Variants in TOM1 observed in about 807,000 individuals in gnomAD.
The protein encoded by TOM1 is target of myb1 membrane trafficking protein, also known as target of Myb protein 1.
In TOM1, 38 loss-of-function variants were observed where a neutral mutation model predicts 61.3. The observed-to-expected ratio is 0.62, with a 90% CI of 0.48 to 0.81. The LOEUF (loss-of-function observed/expected upper bound fraction) is 0.81, where lower values mean the gene tolerates loss of function less well. TOM1 is among the 40% of genes least tolerant of loss of function. The pLI is 0.00. For missense variants in TOM1, 591 were observed against 659.6 expected, an observed-to-expected ratio of 0.90 and a Z score of 1.14; for synonymous variants, 270 against 268.8, an observed-to-expected ratio of 1.00 and a Z score of -0.04.
intron 1 of TOM1, among the ~76,000 whole-genome samples, chr22:35,307,458 G>A (rs561432278): frequency 3.3e-5 from 5 of 152,308 alleles, no homozygotes; most frequent in Non-Finnish European, 5.9e-5. Flanking sequence ...TCACTGGGAC[G>A]TAAGCAGCCT....
At chr22:35,326,325 G>A (rs1412565549) in intron 6 of TOM1, among the ~76,000 whole-genome samples, 1 of 152,198 alleles carries the variant, frequency 6.6e-6, no homozygotes, top group African/African-American at 2.4e-5. Context: ...CATTCCCAGT[G>A]TGCATGAGGG....
intron 2 of TOM1, 139 bp downstream of exon 2, chr22:35,318,100 C>A (rs551850939): frequency 2.7e-6 from 2 of 740,208 alleles, no homozygotes; most frequent in South Asian, 3.1e-5. Context: ...CGCTTGGCTG[C>A]AGAGGCCATC....
chr22:35,323,890 G>T lies in TOM1; in HGVS notation c.624G>T (p.Thr208=), dbSNP rs759894563. The T allele has an allele frequency of 1.9e-6, 3 of 1,590,594 alleles. No homozygotes were observed. In the South Asian group the frequency reaches 3.4e-5, roughly 18 times the overall value. ...LPAPPILSGD[T]PIAPTPEQIG... is the part of the protein sequence containing the mutation. Reference sequence around the variant, plus strand: ...CCCCGCCCATACTCTCCGGTGACACGCCCATAGCACCAACCCCGGAACAGG... The same window carrying T: ...CCCCGCCCATACTCTCCGGTGACACTCCCATAGCACCAACCCCGGAACAGG... Residue 208 remains threonine (T), a synonymous_variant, in exon 6 of 15, where the codon ACG becomes ACT. Transcript: ENST00000449058. This position sits in a 1 kb window ranked among gnomAD's most constrained non-coding sequence, Gnocchi z 4.2.
In TOM1 at chr22:35,300,084, G is replaced by C. The variant is rs138728; in HGVS notation, c.52+104G>C. 0.62 allele frequency: 820,617 copies of C among 1,334,146 alleles called. 259,974 individuals are homozygous for C. Among genetic ancestry groups the C allele is most frequent in the Non-Finnish European group, 0.65 (630,104 of 966,382 alleles). 82.6% of individuals were successfully genotyped at this position (1,334,146 alleles called of 1,614,324 possible). A position where few individuals can be genotyped will look rare whatever the true frequency, so the allele number is the denominator to read the frequency against. ...CTAGTCACGGAGGCAGGGAGGGCAA[G>C]GAGGCTGGCGTGTAGCTCTCCGACC... On this transcript the variant is annotated intron_variant, in intron 1 of 14. Coordinates refer to ENST00000449058, the MANE Select transcript of TOM1 (RefSeq NM_005488.3).
chr22:35,312,548 A>G (rs1926925613), intron 1 of TOM1, among the ~76,000 whole-genome samples: 1 of 152,248 alleles, frequency 6.6e-6, no homozygotes, highest in African/African-American at 2.4e-5. Flanking sequence ...TCTGCTGTGC[A>G]TCTCACAAAC....
intron 11 of TOM1, among the ~76,000 whole-genome samples, chr22:35,336,257 G>A (rs568585911): frequency 6.6e-5 from 10 of 152,058 alleles, no homozygotes; most frequent in Non-Finnish European, 1.3e-4. Flanking sequence ...CATCCATTTC[G>A]TCTTCCCTTT....
chr22:35,338,873 A>AG, intron 12 of TOM1, 85 bp downstream of exon 12: 8 of 1,296,438 alleles, frequency 6.2e-6, no homozygotes, highest in Non-Finnish European at 8.3e-6. Flanking sequence ...GTTGTGGGCC[A>AG]AGCACTGGCC....
chr22:35,336,634 G>A (rs1929365528), intron 11 of TOM1: 1 of 152,310 alleles, frequency 6.6e-6, no homozygotes. Context: ...CTTCGTCAGT[G>A]CTGCTGTACA....
rs1292422916 is a variant in TOM1 at position 35,322,896 on chromosome 22, T to C, written c.217-132T>C. ...TGTCCCAGTCCTCCACATTCAAGGG[T>C]CTCACTCCAGGAAGTCCCATCTCCT... On this transcript the variant is annotated intron_variant, in intron 3 of 14. Transcript: ENST00000449058. The C allele has an allele frequency of 7.4e-5, 79 of 1,062,610 alleles. No individual in the cohort carries two copies. The Admixed American group carries it at 2.1e-3, about 29-fold the overall frequency. 65.8% of individuals were successfully genotyped at this position (1,062,610 alleles called of 1,614,324 possible). A position where few individuals can be genotyped will look rare whatever the true frequency, so the allele number is the denominator to read the frequency against.
Position 35,347,351 on chromosome 22 carries a change from C to A in TOM1, c.*142C>A. 1.1e-6 allele frequency: 1 copy of A among 878,192 alleles called. No individual in the cohort carries two copies. The highest frequency in any genetic ancestry group is 1.7e-6 in the Non-Finnish European group (1 of 599,900). 54.4% of individuals were successfully genotyped at this position (878,192 alleles called of 1,614,324 possible). The stretch of plus-strand genomic sequence containing the variant: ...TCCTCCTCTTTGAAGACGGAGCTGC[C>A]CCAGCTGTGGCTGGGGGTGTGGAGG... On this transcript the variant is annotated 3_prime_UTR_variant, in exon 15 of 15. Coordinates refer to ENST00000449058, the MANE Select transcript of TOM1 (RefSeq NM_005488.3).
At position 35,334,409 on chromosome 22, in the gene TOM1, C is replaced by T. The variant is rs745475934; in HGVS notation, c.1109C>T (p.Ala370Val). ...GRLEDEFDMF[A>V]LTRGSSLADQ... ...CTGGAAGATGAGTTTGACATGTTTG[C>T]GCTGACACGGGGCAGCTCACTGGCT... is the stretch of plus-strand genomic sequence containing the variant. Residue 370 changes from alanine to valine, a missense_variant, in exon 11 of 15, where the codon GCG (alanine) becomes GTG (valine). By Grantham distance (64) the Ala-to-Val change is moderately conservative. Transcript: ENST00000449058. 30 of 1,614,074 alleles carry T rather than the reference C, an allele frequency of 1.9e-5. No homozygotes were observed. The highest frequency in any genetic ancestry group is 9.9e-5 in the South Asian group (9 of 91,080).
chr22:35,323,652 G>C lies in TOM1; in HGVS notation c.501+22G>C. 7 of 1,614,066 alleles carry C rather than the reference G, an allele frequency of 4.3e-6. No homozygotes were observed. The highest frequency in any genetic ancestry group is 5.1e-6 in the Non-Finnish European group (6 of 1,179,952). On this transcript the variant is annotated intron_variant, in intron 5 of 14. Coordinates refer to ENST00000449058, the MANE Select transcript of TOM1 (RefSeq NM_005488.3). The surrounding 1 kb of genome is among the most constrained non-coding windows in gnomAD (Gnocchi z 4.2). ...GAGGGTGAGAGAACTGCCGTACCGG[G>C]AACCAAGGGAAGGGAGGCAGGACTC...
At chr22:35,312,045 G>A (rs1926874164) in intron 1 of TOM1, among the ~76,000 whole-genome samples, 1 of 152,212 alleles carries the variant, frequency 6.6e-6, no homozygotes, top group Admixed American at 6.5e-5. Flanking sequence ...ACAAGGTCAG[G>A]AGTTCAAGAC....
At position 35,323,309 on chromosome 22, in the gene TOM1, G is replaced by C; in HGVS notation, c.366+132G>C. 1 of 1,431,022 alleles carries C rather than the reference G, an allele frequency of 7.0e-7. No individual in the cohort carries two copies. Among genetic ancestry groups the C allele is most frequent in the African/African-American group, 1.4e-5 (1 of 69,868 alleles). 88.6% of individuals were successfully genotyped at this position (1,431,022 alleles called of 1,614,324 possible). A position where few individuals can be genotyped will look rare whatever the true frequency, so the allele number is the denominator to read the frequency against. Reference sequence around the variant, plus strand: ...TCATTTCGGGGCGTCTCGGTTGTCGGCTGGTGGGATGTTCTGTGGGGAGGG... The same window carrying C: ...TCATTTCGGGGCGTCTCGGTTGTCGCCTGGTGGGATGTTCTGTGGGGAGGG... On this transcript the variant is annotated intron_variant, in intron 4 of 14. Coordinates refer to ENST00000449058, the MANE Select transcript of TOM1 (RefSeq NM_005488.3). The surrounding 1 kb of genome is among the most constrained non-coding windows in gnomAD (Gnocchi z 4.2).
rs745578352 is a variant in TOM1 at position 35,321,748 on chromosome 22, T to C, written c.138-211T>C. On this transcript the variant is annotated intron_variant, in intron 2 of 14. Transcript: ENST00000449058. ...CTCTCATCTTTTCTCAAAGTGACTC[T>C]GCTGCTGGAGGTCCAGGGGCCACAG... 1.7e-5 allele frequency: 12 copies of C among 691,010 alleles called. No homozygotes were observed. The South Asian group carries it at 1.8e-4, about 10-fold the overall frequency. The allele number at this position is 691,010 out of a possible 1,614,324, so 42.8% of individuals were successfully genotyped here. A position where few individuals can be genotyped will look rare whatever the true frequency, so the allele number is the denominator to read the frequency against.
intron 1 of TOM1, among the ~76,000 whole-genome samples, chr22:35,316,465 C>T (rs1423216875): frequency 6.6e-6 from 1 of 152,190 alleles, no homozygotes; most frequent in Non-Finnish European, 1.5e-5. Flanking sequence ...AAGGTGCTGG[C>T]ATTGCGAGTT....
intron 12 of TOM1, among the ~76,000 whole-genome samples, chr22:35,339,057 G>A (rs560405125): frequency 7.9e-5 from 12 of 152,346 alleles, no homozygotes; most frequent in Admixed American, 1.3e-4. Context: ...CAGGCCGGGC[G>A]TGGTGGCTCA....
chr22:35,323,775 T>C lies in TOM1; in HGVS notation c.509T>C (p.Phe170Ser). The C allele has an allele frequency of 1.9e-6, 3 of 1,607,996 alleles. No homozygotes were observed. Among genetic ancestry groups the C allele is most frequent in the Non-Finnish European group, 2.6e-6 (3 of 1,176,216 alleles). ...CTGTTTTCCTCCCACTAGACCGTGT[T>C]CAACTCAGAGACACAATCAGGACAG... is the stretch of plus-strand genomic sequence containing the variant. The part of the protein sequence containing the change: ...SPIHTPQRTV[F>S]NSETQSGQDS... Residue 170 changes from phenylalanine to serine, a missense_variant, in exon 6 of 15, where the codon TTC (phenylalanine) becomes TCC (serine). Phe to Ser is a radical substitution (Grantham distance 155, BLOSUM62 -2). Coordinates refer to ENST00000449058, the MANE Select transcript of TOM1 (RefSeq NM_005488.3). This position sits in a 1 kb window ranked among gnomAD's most constrained non-coding sequence, Gnocchi z 4.2.
At chr22:35,318,177 C>G in intron 2 of TOM1, 1 of 574,470 alleles carries the variant, frequency 1.7e-6, no homozygotes, top group East Asian at 2.8e-5. Context: ...GGCTGCCACC[C>G]CACCCCGCCT....
Sources: allele counts gnomAD v4.1 joint callset (sites outside exome capture counted in the v4.1 genomes callset), GRCh38; gene constraint gnomAD v4.1.1; non-coding constraint Gnocchi (gnomAD v3.1); transcripts MANE v1.5; gene names NCBI Gene and HGNC (gene_info 2026-07-23, HGNC 2026-07-21).